ZNF385D: variants seen among roughly 807,000 people sequenced by gnomAD.
ZNF385D encodes the protein zinc finger protein 659.
ZNF385D carries 15 observed loss-of-function variants against 35.8 expected under a neutral mutation model. The observed-to-expected ratio is 0.42, with a 90% confidence interval of 0.28 to 0.64. The LOEUF (loss-of-function observed/expected upper bound fraction) is 0.64, where lower values mean the gene tolerates loss of function less well. Ranked by LOEUF, ZNF385D falls within the 30% of genes least tolerant of loss-of-function variation. The probability of loss-of-function intolerance (pLI) is 0.23; values close to 1 mark genes in which losing one functional copy is unlikely to be tolerated. For missense variants in ZNF385D, 474 were observed against 494.6 expected (o/e 0.96, Z 0.39); for synonymous variants, 212 against 186.8 (o/e 1.13, Z -1.10).
At chr3:21,630,541 C>G (rs1025931019) in intron 2 of ZNF385D, among the ~76,000 whole-genome samples, 2 of 152,064 alleles carry the variant, frequency 1.3e-5, no homozygotes, top group African/African-American at 4.8e-5. Context: ...CGTAACTGCA[C>G]TTCTGAAACA....
At chr3:21,979,512 T>A (rs188199328) in intron 3 of ZNF385D, 70 of 152,332 alleles carry the variant, frequency 4.6e-4, no homozygotes, top group Middle Eastern at 3.4e-3. Flanking sequence ...ATTGTGGGGC[T>A]AGTTTTTTAC....
intron 3 of ZNF385D, among the ~76,000 whole-genome samples, chr3:21,814,014 C>T (rs960049740): frequency 6.6e-6 from 1 of 152,168 alleles, no homozygotes; most frequent in African/African-American, 2.4e-5. Context: ...TCGGCAGAAA[C>T]CATACAAGCC....
chr3:21,583,959 CTTATTTATTTAT>C (rs56661908), intron 2 of ZNF385D, among the ~76,000 whole-genome samples: 2 of 138,264 alleles, frequency 1.4e-5, no homozygotes, highest in African/African-American at 5.6e-5. Flanking sequence ...TACTTATTTA[CTTATTTATTTAT>C]TTATTTATTT....
Position 22,198,531 on chromosome 3 carries a change from T to C in ZNF385D, c.107-29496A>G, listed in dbSNP as rs1328712390. The stretch of plus-strand genomic sequence containing the variant: ...AGAGAAGTTATGTTTTCTAATATTA[T>C]TGAATTGTAGGTATTTGTAAAGCAA... On this transcript the variant is annotated intron_variant, in intron 2 of 5. Coordinates refer to the ZNF385D transcript ENST00000494108. 3.3e-5 allele frequency among the ~76,000 whole-genome samples: 5 copies of C among 152,226 alleles called. No homozygotes were observed. In the East Asian group the frequency reaches 5.8e-4, roughly 18 times the overall value.
chr3:21,905,224 A>C (rs952937454), intron 3 of ZNF385D, among the ~76,000 whole-genome samples: 35 of 150,696 alleles, frequency 2.3e-4, no homozygotes, highest in African/African-American at 7.8e-4. Flanking sequence ...AAAAAAAAAA[A>C]AAAACCCTAA....
intron 4 of ZNF385D, among the ~76,000 whole-genome samples, chr3:21,474,041 T>C (rs1704073566): frequency 6.6e-6 from 1 of 152,114 alleles, no homozygotes; most frequent in South Asian, 2.1e-4. Flanking sequence ...TCTTATATAT[T>C]ATAAGTTCAT....
chr3:21,421,034 T>TTCCCCCCCC lies in ZNF385D; in HGVS notation c.*179_*180insGGGGGGGGA. The TTCCCCCCCC allele has an allele frequency of 6.0e-6, 1 of 167,808 alleles. No individual in the cohort carries two copies. The highest frequency in any genetic ancestry group is 1.3e-4 in the East Asian group (1 of 7,882). 10.4% of individuals were successfully genotyped at this position (167,808 alleles called of 1,614,324 possible). On this transcript the variant is annotated 3_prime_UTR_variant, in exon 8 of 8. Coordinates refer to ENST00000281523, the MANE Select transcript of ZNF385D (RefSeq NM_024697.3). Reference sequence around the variant, plus strand: ...TGCTTTAATTTGGAGAAAATACCACTCCCTCCCTCCCACCCCCAAACCTCC... The same window carrying TTCCCCCCCC: ...TGCTTTAATTTGGAGAAAATACCACTTCCCCCCCCCCCTCCCTCCCACCCCCAAACCTCC...
chr3:22,103,705 G>A (rs17010794), intron 3 of ZNF385D, among the ~76,000 whole-genome samples: 25 of 137,036 alleles, frequency 1.8e-4, no homozygotes, highest in Middle Eastern at 3.7e-3. Context: ...GTCAAAGTCA[G>A]GCAAAAACAA....
intron 3 of ZNF385D, among the ~76,000 whole-genome samples, chr3:21,977,667 T>C (rs960351038): frequency 9.2e-5 from 14 of 151,650 alleles, no homozygotes; most frequent in Admixed American, 2.0e-4. Context: ...AATATATATA[T>C]AAAAATAATC....
chr3:22,234,592 C>G (rs1216869229), intron 2 of ZNF385D, among the ~76,000 whole-genome samples: 2 of 152,032 alleles, frequency 1.3e-5, no homozygotes, highest in Non-Finnish European at 1.5e-5. Flanking sequence ...TGTCTTGACA[C>G]AGCAGGTGTG....
intron 3 of ZNF385D, among the ~76,000 whole-genome samples, chr3:21,918,590 C>G (rs1700305920): frequency 6.6e-6 from 1 of 152,054 alleles, no homozygotes; most frequent in African/African-American, 2.4e-5. Context: ...TTTTAGTGAA[C>G]AGCATACATG....
At chr3:21,521,597 A>T (rs1174086605) in intron 3 of ZNF385D, among the ~76,000 whole-genome samples, 2 of 151,986 alleles carry the variant, frequency 1.3e-5, no homozygotes, top group African/African-American at 4.8e-5. Flanking sequence ...CTGCTAAAAA[A>T]TTTTTTTAAA....
At position 21,786,742 on chromosome 3, in the gene ZNF385D, T is replaced by C. The variant is rs997106706; in HGVS notation, c.326-121714A>G. The stretch of plus-strand genomic sequence containing the variant: ...CATCTAAGTAATTTTTTTAGCATTA[T>C]GCTTTTGCCATGTCCGTGAACATAT... On this transcript the variant is annotated intron_variant, in intron 3 of 5. Transcript: ENST00000494108. Among the ~76,000 whole-genome samples the C allele has an allele frequency of 2.0e-5, 3 of 152,216 alleles. No individual in the cohort carries two copies. In the East Asian group the frequency reaches 5.8e-4, roughly 29 times the overall value.
intron 2 of ZNF385D, among the ~76,000 whole-genome samples, chr3:22,333,871 AGGT>A (rs1202310971): frequency 1.3e-5 from 2 of 152,202 alleles, no homozygotes; most frequent in Non-Finnish European, 2.9e-5. Flanking sequence ...ACTGCCAATC[AGGT>A]GGTACTATAT....
At chr3:21,820,248 A>G (rs1008993820) in intron 3 of ZNF385D, among the ~76,000 whole-genome samples, 2 of 151,876 alleles carry the variant, frequency 1.3e-5, no homozygotes, top group African/African-American at 4.8e-5. Flanking sequence ...TCAGAGAATT[A>G]GTAACATACA....
At chr3:21,883,225 TTGATC>T (rs1330659453) in intron 3 of ZNF385D, among the ~76,000 whole-genome samples, 2 of 152,074 alleles carry the variant, frequency 1.3e-5, no homozygotes, top group African/African-American at 4.8e-5. Context: ...ATGTGATTAT[TTGATC>T]TGTAAGAATT....
chr3:21,707,894 G>A lies in ZNF385D; in HGVS notation c.23-42866C>T, dbSNP rs564287038. ...AGTGAGTAAGCAGGATTATACGTGT[G>A]CATCTGTGCTTAGTGACCTGAAGTC... On this transcript the variant is annotated intron_variant, in intron 1 of 7. Coordinates refer to ENST00000281523, the MANE Select transcript of ZNF385D (RefSeq NM_024697.3). Among the ~76,000 whole-genome samples, 122 of 152,290 alleles carry A rather than the reference G, an allele frequency of 8.0e-4. 1 individual carries two copies. Among genetic ancestry groups the A allele is most frequent in the African/African-American group, 2.6e-3 (109 of 41,564 alleles).
At chr3:21,916,501 C>T (rs191216795) in intron 3 of ZNF385D, among the ~76,000 whole-genome samples, 2 of 152,240 alleles carry the variant, frequency 1.3e-5, no homozygotes, top group East Asian at 3.9e-4. Flanking sequence ...CAACAAAAAT[C>T]CACATATTTC....
chr3:22,021,457 A>G lies in ZNF385D; in HGVS notation c.325+147360T>C, dbSNP rs115914191. On this transcript the variant is annotated intron_variant, in intron 3 of 5. Transcript: ENST00000494108. ...ACAATATTATTACTAGAGTCACAAT[A>G]TCTTAGGTTCAGAGTCAAACTGACC... is the stretch of plus-strand genomic sequence containing the variant. 3.0e-3 allele frequency among the ~76,000 whole-genome samples: 456 copies of G among 152,184 alleles called. 7 individuals carry two copies. The highest frequency in any genetic ancestry group is 0.01 in the African/African-American group (434 of 41,568).
Sources: gnomAD v4.1 joint callset for allele counts (sites outside exome capture counted in the v4.1 genomes callset) on GRCh38, gnomAD v4.1.1 for gene constraint, MANE v1.5 for transcripts, NCBI Gene and HGNC (gene_info 2026-07-23, HGNC 2026-07-21) for gene names.